Variants in HIVEP2 observed in about 807,000 individuals in gnomAD.
HIVEP2 encodes transcription factor HIVEP2.
Under a neutral mutation model 180.7 loss-of-function variants are expected in HIVEP2, and 14 were observed. The observed-to-expected ratio is 0.08, with a 90% CI of 0.05 to 0.12. HIVEP2 has a LOEUF of 0.12. Ranked by LOEUF, HIVEP2 falls within the 10% of genes least tolerant of loss-of-function variation. The pLI, the probability that HIVEP2 is intolerant of heterozygous loss-of-function variation, is 1.00. For synonymous variants in HIVEP2, 1,184 were observed against 1,136.4 expected (o/e 1.04, Z -0.84); for missense variants, 2,579 against 3,008.5 (o/e 0.86, Z 3.34).
chr6:142,770,460 A>G lies in HIVEP2; in HGVS notation c.4279T>C (p.Ser1427Pro), dbSNP rs1775498656. ...LESSIPLCLP[S>P]TSDSVATLGG... The stretch of plus-strand genomic sequence containing the variant: ...AGGGTGGCCACGCTGTCAGAGGTGG[A>G]AGGTAAACACAAGGGGATGGAGGAT... Residue 1427 changes from serine to proline, a missense_variant, in exon 5 of 10, where the codon TCC becomes CCC. By Grantham distance (74) the Ser-to-Pro change is moderately conservative. Coordinates refer to ENST00000367603, the MANE Select transcript of HIVEP2 (RefSeq NM_006734.4). The surrounding 1 kb of genome is among the most constrained non-coding windows in gnomAD (Gnocchi z 4.7). 8 of 1,614,046 alleles carry G rather than the reference A, an allele frequency of 5.0e-6. No homozygotes were observed. Among genetic ancestry groups the G allele is most frequent in the Non-Finnish European group, 5.1e-6 (6 of 1,180,038 alleles).
chr6:142,809,656 C>T (rs868791439), intron 2 of HIVEP2, among the ~76,000 whole-genome samples: 4 of 152,092 alleles, frequency 2.6e-5, no homozygotes, highest in Non-Finnish European at 4.4e-5. Context: ...TGCAGTGGCA[C>T]GATCTCAGCT....
rs1395758354 is a variant in HIVEP2 at position 142,790,523 on chromosome 6, A to G, written c.-527-6908T>C. Among the ~76,000 whole-genome samples, 4 of 152,202 alleles carry G rather than the reference A, an allele frequency of 2.6e-5. No individual in the cohort carries two copies. The East Asian group carries it at 7.7e-4, about 29-fold the overall frequency. On this transcript the variant is annotated intron_variant, in intron 2 of 9. Transcript: ENST00000367603. The stretch of plus-strand genomic sequence containing the variant: ...CATACTCTAGTGAGAAGTATATATG[A>G]CACAACAAAGTCATAACTCCAATGT...
chr6:142,825,258 G>T (rs980909168), intron 2 of HIVEP2, among the ~76,000 whole-genome samples: 1 of 150,388 alleles, frequency 6.6e-6, no homozygotes, highest in African/African-American at 2.5e-5. Flanking sequence ...TAATTTTAGA[G>T]GTTTTGCAGA....
rs1192242511 is a variant in HIVEP2 at position 142,753,886 on chromosome 6, C to T, written c.6562G>A (p.Gly2188Arg). The change falls in exon 10 of 10, where the codon GGA becomes AGA. Residue 2188 changes from glycine (G) to arginine (R), a missense_variant. Physicochemically the swap from Gly to Arg is moderately radical, Grantham distance 125. Transcript: ENST00000367603. ...LPQVPYFSLY[G>R]DQEGAYEHPG... Reference sequence around the variant, plus strand: ...TGTTCATAAGCACCTTCTTGGTCTCCATAGAGACTGAAGTAAGGAACCTGA... The same window carrying T: ...TGTTCATAAGCACCTTCTTGGTCTCTATAGAGACTGAAGTAAGGAACCTGA... 1 of 1,612,296 alleles carries T rather than the reference C, an allele frequency of 6.2e-7. No individual in the cohort carries two copies. The highest frequency in any genetic ancestry group is 1.7e-5 in the Admixed American group (1 of 59,862).
At chr6:142,823,735 A>C (rs1777103328) in intron 2 of HIVEP2, among the ~76,000 whole-genome samples, 1 of 152,224 alleles carries the variant, frequency 6.6e-6, no homozygotes, top group South Asian at 2.1e-4. Context: ...TAAATTTGTA[A>C]AGATGTAACC....
chr6:142,892,187 A>C (rs546823184), intron 1 of HIVEP2, among the ~76,000 whole-genome samples: 11 of 152,194 alleles, frequency 7.2e-5, no homozygotes, highest in Non-Finnish European at 1.6e-4. Context: ...CCCAAGGGTG[A>C]TAGGAAAGAC....
chr6:142,875,033 A>G (rs1385464535), intron 1 of HIVEP2, among the ~76,000 whole-genome samples: 4 of 152,210 alleles, frequency 2.6e-5, no homozygotes, highest in South Asian at 4.1e-4. Context: ...CAGACAAAAA[A>G]TACATCAACT....
intron 2 of HIVEP2, among the ~76,000 whole-genome samples, chr6:142,801,539 T>C (rs757355765): frequency 2.2e-4 from 34 of 151,884 alleles, no homozygotes; most frequent in Non-Finnish European, 7.4e-5. Context: ...CTAAGCGAAT[T>C]CTCTTTTACT....
At chr6:142,879,948 T>C (rs1401451597) in intron 1 of HIVEP2, among the ~76,000 whole-genome samples, 4 of 152,170 alleles carry the variant, frequency 2.6e-5, no homozygotes, top group Non-Finnish European at 2.9e-5. Flanking sequence ...CTTGTTCATA[T>C]TGTATCTACA....
chr6:142,773,872 G>T lies in HIVEP2; in HGVS notation c.867C>A (p.Ala289=). 6.2e-7 allele frequency: 1 copy of T among 1,613,412 alleles called. No individual in the cohort carries two copies. The highest frequency in any genetic ancestry group is 2.2e-5 in the East Asian group (1 of 44,872). The part of the protein sequence containing the change: ...TDTDEESSLF[A]EASDKMSPGP... ...CAGGACTCATTTTGTCAGAAGCCTCGGCAAATAAAGAACTCTCCTCATCTG... is the reference window on the plus strand; with the variant it reads ...CAGGACTCATTTTGTCAGAAGCCTCTGCAAATAAAGAACTCTCCTCATCTG... Residue 289 remains alanine (A), a synonymous_variant, in exon 5 of 10, where the codon GCC becomes GCA. Transcript: ENST00000367603.
intron 1 of HIVEP2, among the ~76,000 whole-genome samples, chr6:142,853,126 G>A (rs1562264945): frequency 6.6e-6 from 1 of 152,054 alleles, no homozygotes; most frequent in African/African-American, 2.4e-5. Context: ...TTCCTCTCTT[G>A]GCAGATTAAG....
At chr6:142,847,205 TG>T (rs1350788503) in intron 1 of HIVEP2, among the ~76,000 whole-genome samples, 3 of 152,208 alleles carry the variant, frequency 2.0e-5, no homozygotes, top group Non-Finnish European at 4.4e-5. Flanking sequence ...CTCACTAATC[TG>T]GTGCGGGGAA....
Position 142,770,405 on chromosome 6 carries a change from G to C in HIVEP2, c.4334C>G (p.Ala1445Gly). The C allele has an allele frequency of 6.2e-7, 1 of 1,614,132 alleles. No individual in the cohort carries two copies. Among genetic ancestry groups the C allele is most frequent in the Non-Finnish European group, 8.5e-7 (1 of 1,180,022 alleles). The change falls in exon 5 of 10, where the codon GCC (alanine) becomes GGC (glycine). Residue 1445 changes from alanine (A) to glycine (G), a missense_variant. Ala to Gly is a moderately conservative substitution (Grantham distance 60, BLOSUM62 0). Coordinates refer to ENST00000367603, the MANE Select transcript of HIVEP2 (RefSeq NM_006734.4). The surrounding 1 kb of genome is among the most constrained non-coding windows in gnomAD (Gnocchi z 4.7). ...LGGSKRMLSP[A>G]SSLELFMETK... is the part of the protein sequence containing the mutation. ...TTCCATGAAGAGCTCCAAGCTACTG[G>C]CTGGAGAAAGCATTCGCTTGCTACC... is the stretch of plus-strand genomic sequence containing the variant.
At chr6:142,873,963 C>T (rs554460894) in intron 1 of HIVEP2, among the ~76,000 whole-genome samples, 31 of 152,190 alleles carry the variant, frequency 2.0e-4, no homozygotes, top group African/African-American at 7.0e-4. Flanking sequence ...AGCATGACTT[C>T]GGTCTGAAAT....
Position 142,904,906 on chromosome 6 carries a change from TC to T in HIVEP2, c.-641+40192del, listed in dbSNP as rs200576265. Among the ~76,000 whole-genome samples the T allele has an allele frequency of 1.9e-3, 282 of 152,308 alleles. 5 individuals are homozygous for T. In the East Asian group the frequency reaches 0.047, roughly 25 times the overall value. ...CCCTGGGTAAACTGTGGTTTTCATA[TC>T]TATTGACCTGGGATAACACAGGCTG... On this transcript the variant is annotated intron_variant, in intron 1 of 9. Transcript: ENST00000367603.
intron 1 of HIVEP2, among the ~76,000 whole-genome samples, chr6:142,903,916 A>C (rs910378473): frequency 6.6e-6 from 1 of 152,228 alleles, no homozygotes; most frequent in Non-Finnish European, 1.5e-5. Flanking sequence ...TTGATACTTT[A>C]AATAAATCTC....
intron 1 of HIVEP2, among the ~76,000 whole-genome samples, chr6:142,900,289 G>A (rs1777101780): frequency 6.6e-6 from 1 of 152,158 alleles, no homozygotes. Context: ...ACAAAGATGA[G>A]TATGGCTGCA....
intron 2 of HIVEP2, among the ~76,000 whole-genome samples, chr6:142,809,748 C>T (rs1776643241): frequency 2.0e-5 from 3 of 152,182 alleles, no homozygotes; most frequent in Admixed American, 2.0e-4. Flanking sequence ...TGCCCACCAC[C>T]ATGTCCTGCT....
chr6:142,845,908 C>T (rs1174137990), intron 1 of HIVEP2, among the ~76,000 whole-genome samples: 5 of 152,354 alleles, frequency 3.3e-5, no homozygotes, highest in South Asian at 2.1e-4. Context: ...CAAAGCTAAG[C>T]GACTGGGGAC....
Sources: allele counts gnomAD v4.1 joint callset (sites outside exome capture counted in the v4.1 genomes callset), GRCh38; gene constraint gnomAD v4.1.1; non-coding constraint Gnocchi (gnomAD v3.1); transcripts MANE v1.5; gene names NCBI Gene and HGNC (gene_info 2026-07-23, HGNC 2026-07-21).